Variants in ZNG1E observed in about 807,000 individuals in gnomAD.
The protein encoded by ZNG1E is zinc-regulated GTPase metalloprotein activator 1E.
chr9:65,665,371 C>T, the ZNG1E span, among the ~76,000 whole-genome samples: 2 of 152,270 alleles, frequency 1.3e-5, no homozygotes, highest in African/African-American at 4.8e-5. Flanking sequence ...CTGTCTGTTG[C>T]TTCAGAGGGT....
At chr9:65,706,463 CTT>C in the ZNG1E span, 1 of 79,370 alleles carries the variant, frequency 1.3e-5, no homozygotes, top group East Asian at 3.3e-4. Context: ...TCTTTTTTTT[CTT>C]TTTTTTTTTT....
the ZNG1E span, among the ~76,000 whole-genome samples, chr9:65,684,902 C>T: frequency 6.6e-5 from 10 of 152,090 alleles, no homozygotes; most frequent in Admixed American, 3.3e-4. Flanking sequence ...AAAAGTTATG[C>T]GTTTTGGCCG....
the ZNG1E span, among the ~76,000 whole-genome samples, chr9:65,714,851 G>A: frequency 6.6e-6 from 1 of 151,996 alleles, no homozygotes; most frequent in Admixed American, 6.6e-5. Flanking sequence ...CTGTCTTTTT[G>A]TGTGTCTGTG....
the ZNG1E span, among the ~76,000 whole-genome samples, chr9:65,662,161 G>A: frequency 6.6e-6 from 1 of 152,228 alleles, no homozygotes; most frequent in African/African-American, 2.4e-5. Context: ...TAGTATCCCT[G>A]CCAAAAATAT....
the ZNG1E span, among the ~76,000 whole-genome samples, chr9:65,714,454 G>A: frequency 6.8e-6 from 1 of 146,576 alleles, no homozygotes; most frequent in African/African-American, 2.6e-5. Flanking sequence ...AGGAGGAGAG[G>A]CGCTCTGCTT....
chr9:65,714,749 G>T, the ZNG1E span, among the ~76,000 whole-genome samples: 62 of 151,382 alleles, frequency 4.1e-4, no homozygotes, highest in African/African-American at 1.5e-3. Context: ...GAGGCAGTCT[G>T]CCCGTTCTCA....
the ZNG1E span, among the ~76,000 whole-genome samples, chr9:65,709,968 C>T: frequency 6.6e-6 from 1 of 150,836 alleles, no homozygotes; most frequent in South Asian, 2.1e-4. Context: ...ACAGTCCCGC[C>T]AACAGTGTAA....
At chr9:65,676,906 A>G in the ZNG1E span, among the ~76,000 whole-genome samples, 1 of 146,334 alleles carries the variant, frequency 6.8e-6, no homozygotes, top group Non-Finnish European at 1.5e-5. Context: ...GAAGTTTGGA[A>G]AAAGTTAAGA....
the ZNG1E span, among the ~76,000 whole-genome samples, chr9:65,685,134 C>A: frequency 6.6e-6 from 1 of 152,102 alleles, no homozygotes; most frequent in East Asian, 1.9e-4. Flanking sequence ...AACATACATA[C>A]CTTAATTAAA....
At chr9:65,660,886 A>G in the ZNG1E span, among the ~76,000 whole-genome samples, 1 of 146,190 alleles carries the variant, frequency 6.8e-6, no homozygotes, top group Admixed American at 6.9e-5. Context: ...ATAAATACAT[A>G]AACAAACTCA....
At chr9:65,660,313 G>T in the ZNG1E span, among the ~76,000 whole-genome samples, 1 of 121,094 alleles carries the variant, frequency 8.3e-6, no homozygotes, top group African/African-American at 4.0e-5. Flanking sequence ...TAATATATAT[G>T]GTATTATGCA....
the ZNG1E span, among the ~76,000 whole-genome samples, chr9:65,663,917 T>A: frequency 1.3e-5 from 2 of 152,326 alleles, no homozygotes; most frequent in South Asian, 4.1e-4. Context: ...TGCAAGGGTG[T>A]GTATCATCAC....
chr9:65,666,971 C>T, the ZNG1E span, among the ~76,000 whole-genome samples: 1 of 151,572 alleles, frequency 6.6e-6, no homozygotes, highest in African/African-American at 2.4e-5. Context: ...CAGGAGTGTG[C>T]TATCACACTC....
the ZNG1E span, among the ~76,000 whole-genome samples, chr9:65,699,994 A>T: frequency 1.3e-5 from 2 of 151,388 alleles, no homozygotes. Context: ...AACTTAGTAA[A>T]TACTTTGCAA....
chr9:65,714,829 C>T, the ZNG1E span, among the ~76,000 whole-genome samples: 403 of 151,552 alleles, frequency 2.7e-3, no homozygotes, highest in African/African-American at 9.3e-3. Context: ...CTTAAGTCTG[C>T]GGAGGTTACT....
At chr9:65,731,994 ATTATT>A in the ZNG1E span, 3 of 230,766 alleles carry the variant, frequency 1.3e-5, no homozygotes, top group Non-Finnish European at 2.1e-5. Flanking sequence ...ATTTTTCTTT[ATTATT>A]TTCATGACTG....
At chr9:65,672,449 T>TAA in the ZNG1E span, among the ~76,000 whole-genome samples, 33,918 of 137,992 alleles carry the variant, frequency 0.25, 726 homozygotes, top group Admixed American at 0.28. Context: ...TCTTATAAGT[T>TAA]AAAAAAAAAA....
At chr9:65,676,980 A>T in the ZNG1E span, 1 of 571,622 alleles carries the variant, frequency 1.7e-6, no homozygotes, top group Non-Finnish European at 2.9e-6. Context: ...AGAGACAGGT[A>T]CAGACTTGGG....
chr9:65,681,205 A>G, the ZNG1E span, among the ~76,000 whole-genome samples: 1 of 152,066 alleles, frequency 6.6e-6, no homozygotes, highest in African/African-American at 2.4e-5. Flanking sequence ...GCAGTCTCTT[A>G]AGAGGTTGAA....
Sources: gnomAD v4.1 joint callset for allele counts (sites outside exome capture counted in the v4.1 genomes callset) on GRCh38, gnomAD v4.1.1 for gene constraint, MANE v1.5 for transcripts, NCBI Gene and HGNC (gene_info 2026-07-23, HGNC 2026-07-21) for gene names.